IL7: variants seen among roughly 807,000 people sequenced by gnomAD.
IL7 encodes interleukin-7.
A neutral mutation model predicts 21.6 loss-of-function variants in IL7; 3 were observed. That is an observed-to-expected ratio of 0.14 (90% CI 0.06 to 0.36). The LOEUF is 0.36. Ranked by LOEUF, IL7 falls within the 10% of genes least tolerant of loss-of-function variation. The pLI is 1.00. For synonymous variants in IL7, 62 were observed against 68.1 expected (o/e 0.91, Z 0.44); for missense variants, 175 against 200.2 (o/e 0.87, Z 0.76).
At chr8:78,712,182 A>T in intron 3 of IL7, 1 of 800,032 alleles carries the variant, frequency 1.2e-6, no homozygotes, top group Non-Finnish European at 1.8e-6. Context: ...GAATAACATA[A>T]CTTTTACTGT....
At chr8:78,737,463 A>G (rs1811631478) in intron 4 of IL7, among the ~76,000 whole-genome samples, 1 of 151,612 alleles carries the variant, frequency 6.6e-6, no homozygotes, top group Non-Finnish European at 1.5e-5. Flanking sequence ...CAATTTATAG[A>G]AAAAAAAAGT....
At chr8:78,797,454 G>A (rs1813895563) in intron 2 of IL7, among the ~76,000 whole-genome samples, 1 of 151,990 alleles carries the variant, frequency 6.6e-6, no homozygotes. Flanking sequence ...CCATACTGAT[G>A]TAAGATAATA....
rs1585978586 is a variant in IL7, at chr8:78,676,136, A to C, written n.274-32T>G. ...AAAAACAAACAAAATAAAAAAAAAA[A>C]AACAAAATCAGATACCTTAGAAATA... is the stretch of plus-strand genomic sequence containing the variant. On this transcript the variant is annotated intron_variant and non_coding_transcript_variant, in intron 4 of 4. Coordinates refer to the IL7 transcript ENST00000523959. 19 of 254,780 alleles carry C rather than the reference A, an allele frequency of 7.5e-5. No individual in the cohort carries two copies. In the East Asian group the frequency reaches 1.2e-3, roughly 16 times the overall value. The allele number at this position is 254,780 out of a possible 1,614,324, so 15.8% of individuals were successfully genotyped here. A position where few individuals can be genotyped will look rare whatever the true frequency, so the allele number is the denominator to read the frequency against.
intron 3 of IL7, among the ~76,000 whole-genome samples, chr8:78,739,699 AAAAC>A (rs1289638998): frequency 6.6e-6 from 1 of 152,004 alleles, no homozygotes; most frequent in Non-Finnish European, 1.5e-5. Context: ...TCCAAAAAAA[AAAAC>A]AAAGAAAGAA....
downstream of IL7, chr8:78,717,723 T>C (rs780089778): frequency 3.2e-6 from 1 of 310,176 alleles, no homozygotes; most frequent in Non-Finnish European, 5.8e-6. Context: ...CAAGGAAATA[T>C]TCACTTATCT....
intron 3 of IL7, among the ~76,000 whole-genome samples, chr8:78,692,100 G>A (rs1473410307): frequency 6.6e-6 from 1 of 152,010 alleles, no homozygotes; most frequent in Non-Finnish European, 1.5e-5. Flanking sequence ...ATCATTTACT[G>A]TATTCACCAT....
chr8:78,776,337 G>C (rs1813138424), intron 2 of IL7, among the ~76,000 whole-genome samples: 1 of 152,068 alleles, frequency 6.6e-6, no homozygotes, highest in African/African-American at 2.4e-5. Context: ...GAGTGAGACA[G>C]TGCAAGATTT....
intron 2 of IL7, among the ~76,000 whole-genome samples, chr8:78,774,404 T>C (rs754714798): frequency 1.7e-4 from 26 of 152,254 alleles, no homozygotes; most frequent in Middle Eastern, 3.4e-3. Flanking sequence ...AATACCAAAA[T>C]TTAATATCCC....
At chr8:78,790,360 A>G (rs1199886865) in intron 2 of IL7, among the ~76,000 whole-genome samples, 1 of 152,168 alleles carries the variant, frequency 6.6e-6, no homozygotes, top group African/African-American at 2.4e-5. Context: ...AAACTAGTTC[A>G]TATTGATATC....
chr8:78,788,055 T>C (rs1813568359), intron 2 of IL7, among the ~76,000 whole-genome samples: 1 of 152,168 alleles, frequency 6.6e-6, no homozygotes, highest in Non-Finnish European at 1.5e-5. Context: ...ATCAAAATAC[T>C]TTTACCTCAT....
chr8:78,701,033 T>C (rs1810586003), intron 3 of IL7, among the ~76,000 whole-genome samples: 1 of 152,228 alleles, frequency 6.6e-6, no homozygotes, highest in African/African-American at 2.4e-5. Context: ...GTGAAGAATG[T>C]CACTGATAGT....
At chr8:78,786,452 C>T (rs962139287) in intron 2 of IL7, among the ~76,000 whole-genome samples, 9 of 152,136 alleles carry the variant, frequency 5.9e-5, no homozygotes, top group African/African-American at 2.2e-4. Context: ...AGTGAGTGAG[C>T]CATGAGTGAA....
chr8:78,775,074 AAT>A (rs1473815935), intron 2 of IL7, among the ~76,000 whole-genome samples: 3 of 152,088 alleles, frequency 2.0e-5, no homozygotes, highest in Non-Finnish European at 1.5e-5. Context: ...TTCTGGAGGT[AAT>A]ATATATTTTT....
At chr8:78,729,129 A>G (rs183946038), downstream of IL7, among the ~76,000 whole-genome samples, 4 of 152,076 alleles carry the variant, frequency 2.6e-5, no homozygotes. Context: ...AAAATTTGAG[A>G]CCAATAAAAT....
intron 3 of IL7, among the ~76,000 whole-genome samples, chr8:78,721,830 A>G (rs534942592): frequency 5.3e-5 from 8 of 152,176 alleles, no homozygotes; most frequent in Admixed American, 3.3e-4. Flanking sequence ...TCTAAGACAC[A>G]CTTAGGGAAA....
At chr8:78,774,781 T>C (rs1267318118) in intron 2 of IL7, among the ~76,000 whole-genome samples, 2 of 152,144 alleles carry the variant, frequency 1.3e-5, no homozygotes, top group Non-Finnish European at 2.9e-5. Flanking sequence ...TTCTTAAATA[T>C]GGTGTTTCAG....
downstream of IL7, among the ~76,000 whole-genome samples, chr8:78,730,272 G>A (rs1410964344): frequency 6.6e-6 from 1 of 151,806 alleles, no homozygotes; most frequent in Non-Finnish European, 1.5e-5. Context: ...AATACAAAAC[G>A]ATGATTTAGC....
At chr8:78,678,675 C>G in intron 4 of IL7, 3 of 1,602,984 alleles carry the variant, frequency 1.9e-6, no homozygotes, top group Non-Finnish European at 2.6e-6. Flanking sequence ...CCTCTCAAAC[C>G]GAGGGTAACT....
chr8:78,693,473 T>C (rs1252038366), intron 3 of IL7, among the ~76,000 whole-genome samples: 1 of 152,240 alleles, frequency 6.6e-6, no homozygotes, highest in African/African-American at 2.4e-5. Flanking sequence ...TGCATTTCTC[T>C]GATGGCCAGT....
Sources: allele counts gnomAD v4.1 joint callset (sites outside exome capture counted in the v4.1 genomes callset), GRCh38; gene constraint gnomAD v4.1.1; transcripts MANE v1.5; gene names NCBI Gene and HGNC (gene_info 2026-07-23, HGNC 2026-07-21).